Variants in IZUMO1 observed in about 807,000 individuals in gnomAD.
IZUMO1 encodes the protein izumo sperm-oocyte fusion 1, also known as izumo sperm-egg fusion protein 1.
In IZUMO1, 44 loss-of-function variants were observed where a neutral mutation model predicts 40.7. The observed-to-expected ratio is 1.08, with a 90% CI of 0.85 to 1.39. The LOEUF (loss-of-function observed/expected upper bound fraction) is 1.39. Ranked by LOEUF, IZUMO1 falls within the 40% of genes most tolerant of loss-of-function variation. IZUMO1 has a pLI of 0.00. For missense variants in IZUMO1, 368 were observed against 436.9 expected, an observed-to-expected ratio of 0.84 and a Z score of 1.41; for synonymous variants, 149 against 170.9, an observed-to-expected ratio of 0.87 and a Z score of 1.00.
chr19:48,742,220 T>C lies in IZUMO1; in HGVS notation c.589A>G (p.Ser197Gly). The change falls in exon 7 of 10, where the codon AGC (serine) becomes GGC (glycine). Residue 197 changes from serine (S) to glycine (G), a missense_variant. Transcript: ENST00000332955. Reference protein sequence around the residue: ...HQASEGLTDYSFYRVWGNNTE... With the variant: ...HQASEGLTDYGFYRVWGNNTE... ...GTTGAGGCCCTCACCCTGTAAAAGC[T>C]GTAATCAGTGAGGCCTTCCGAAGCC... 6.2e-7 allele frequency: 1 copy of C among 1,613,206 alleles called. No homozygotes were observed. The highest frequency in any genetic ancestry group is 1.1e-5 in the South Asian group (1 of 91,064).
intron 6 of IZUMO1, chr19:48,743,224 C>T (rs1036921806): frequency 7.0e-6 from 4 of 570,066 alleles, no homozygotes; most frequent in African/African-American, 5.6e-5. Context: ...GATAGAGTCT[C>T]GCTATGTTGC....
intron 5 of IZUMO1, 196 bp downstream of exon 5, chr19:48,743,979 A>G: frequency 1.6e-6 from 1 of 624,870 alleles, no homozygotes. Context: ...TGACAGGGTG[A>G]GACTGTCTCA....
Position 48,741,924 on chromosome 19 carries a change from C to T in IZUMO1, c.619G>A (p.Glu207Lys), listed in dbSNP as rs1470589612. Residue 207 changes from glutamate (E) to lysine (K), a missense_variant, in exon 8 of 10, where the codon GAG becomes AAG. Transcript: ENST00000332955. This position sits in a 1 kb window ranked among gnomAD's most constrained non-coding sequence, Gnocchi z 4.4. ...TCTTTCCCCTTGGACACCAAGGTCT[C>T]CGTATTGTTCCCCCAAACCTAGACC... ...SFYRVWGNNTETLVSKGKEAT... is the reference protein window; with the variant it reads ...SFYRVWGNNTKTLVSKGKEAT... 1.2e-6 allele frequency: 2 copies of T among 1,604,996 alleles called. No individual in the cohort carries two copies. Among genetic ancestry groups the T allele is most frequent in the Non-Finnish European group, 1.7e-6 (2 of 1,174,082 alleles).
chr19:48,741,533 G>T lies in IZUMO1; in HGVS notation c.755-55C>A. ...GGCAGGGCGTGGAGTTCCTGCCCTG[G>T]CAAAGACAAGCCCGTCCCAGTAGCC... On this transcript the variant is annotated intron_variant, in intron 8 of 9. Coordinates refer to ENST00000332955, the MANE Select transcript of IZUMO1 (RefSeq NM_182575.3). The surrounding 1 kb of genome is among the most constrained non-coding windows in gnomAD (Gnocchi z 4.4). 6.5e-7 allele frequency: 1 copy of T among 1,539,272 alleles called. No individual in the cohort carries two copies.
At chr19:48,742,110 C>G (rs1599756541) in intron 7 of IZUMO1, 99 bp downstream of exon 7, 2 of 1,474,440 alleles carry the variant, frequency 1.4e-6, no homozygotes, top group East Asian at 2.3e-5. Context: ...AATAGACCAC[C>G]CTCCTGGGTC....
chr19:48,745,180 A>G, intron 3 of IZUMO1, 34 bp downstream of exon 3: 1 of 1,569,434 alleles, frequency 6.4e-7, no homozygotes, highest in Non-Finnish European at 8.8e-7. Flanking sequence ...CTTCTCTGAG[A>G]GATTCGGGAC....
intron 3 of IZUMO1, 33 bp downstream of exon 3, chr19:48,745,181 G>C (rs375183668): frequency 3.8e-6 from 6 of 1,572,510 alleles, no homozygotes; most frequent in Middle Eastern, 1.7e-4. Flanking sequence ...TTCTCTGAGA[G>C]ATTCGGGACT....
Position 48,740,996 on chromosome 19 carries a change from A to T in IZUMO1, c.965T>A (p.Ile322Asn), listed in dbSNP as rs1447540465. ...GCCAAGGCCAAACAGTGAGGATTTG[A>T]TGAAATCGATCACCTTCCTTCGACG... Reference protein sequence around the residue: ...IFRRRKVIDFIKSSLFGLGSG... With the variant: ...IFRRRKVIDFNKSSLFGLGSG... The change falls in exon 10 of 10, where the codon ATC becomes AAC. Residue 322 changes from isoleucine (I) to asparagine (N), a missense_variant. Transcript: ENST00000332955. The surrounding 1 kb of genome is among the most constrained non-coding windows in gnomAD (Gnocchi z 5.5). The T allele has an allele frequency of 3.1e-6, 5 of 1,613,980 alleles. No homozygotes were observed. The highest frequency in any genetic ancestry group is 2.2e-5 in the East Asian group (1 of 44,894).
Position 48,746,693 on chromosome 19 carries a change from C to T in IZUMO1, c.-332G>A, listed in dbSNP as rs1346012228. ...AGGAGCCCGGTCCAGGTTCTGAGGG[C>T]TTTTAAAGAGGAAGCCGGGGTCATG... On this transcript the variant is annotated 5_prime_UTR_variant, in exon 1 of 10. Coordinates refer to ENST00000332955, the MANE Select transcript of IZUMO1 (RefSeq NM_182575.3). 5.1e-6 allele frequency: 5 copies of T among 985,340 alleles called. No homozygotes were observed. In the African/African-American group the frequency reaches 7.0e-5, roughly 14 times the overall value. The allele number at this position is 985,340 out of a possible 1,614,324, so 61.0% of individuals were successfully genotyped here.
rs1245312402 is a variant in IZUMO1 at position 48,745,688 on chromosome 19, C to T, written c.172G>A (p.Glu58Lys). Residue 58 changes from glutamate to lysine, a missense_variant, in exon 2 of 10, where the codon GAG (glutamate) becomes AAG (lysine). Transcript: ENST00000332955. Reference protein sequence around the residue: ...KHHKAMMERVENAVKDFQELS... With the variant: ...KHHKAMMERVKNAVKDFQELS... Reference sequence around the variant, plus strand: ...TCCTGGAAATCCTTCACGGCATTCTCTACCCTTTCCATCATGGCTTTGTGA... The same window carrying T: ...TCCTGGAAATCCTTCACGGCATTCTTTACCCTTTCCATCATGGCTTTGTGA... 3 of 1,614,120 alleles carry T rather than the reference C, an allele frequency of 1.9e-6. No homozygotes were observed. Among genetic ancestry groups the T allele is most frequent in the South Asian group, 2.2e-5 (2 of 91,090 alleles).
chr19:48,741,378 G>C lies in IZUMO1; in HGVS notation c.855C>G (p.Pro285=), dbSNP rs577502455. ...ESSISLQPLQ[P]EKMLASRLLG... ...GAAGGCGGCTTGCCAGCATTTTCTC[G>C]GGCTGCAGAGGCTGGAGGCTTATGG... Residue 285 remains proline, a synonymous_variant, in exon 9 of 10, where the codon CCC becomes CCG. Transcript: ENST00000332955. This position sits in a 1 kb window ranked among gnomAD's most constrained non-coding sequence, Gnocchi z 4.4. The C allele has an allele frequency of 2.5e-6, 4 of 1,613,190 alleles. No individual in the cohort carries two copies. In the Admixed American group the frequency reaches 5.0e-5, roughly 20 times the overall value.
chr19:48,743,714 C>G (rs912464909), intron 5 of IZUMO1, 189 bp from the exon 6 acceptor site: 3 of 604,614 alleles, frequency 5.0e-6, no homozygotes, highest in Admixed American at 2.7e-5. Flanking sequence ...AAGTAGAGGC[C>G]GGATGCGGTG....
intron 6 of IZUMO1, chr19:48,743,095 T>C: frequency 3.4e-6 from 1 of 293,202 alleles, no homozygotes; most frequent in South Asian, 3.6e-5. Flanking sequence ...GGTATGATCA[T>C]AGCTTACTGC....
At position 48,741,573 on chromosome 19, in the gene IZUMO1, T is replaced by C; in HGVS notation, c.755-95A>G. 1 of 1,391,530 alleles carries C rather than the reference T, an allele frequency of 7.2e-7. No homozygotes were observed. The highest frequency in any genetic ancestry group is 9.9e-7 in the Non-Finnish European group (1 of 1,011,576). The allele number at this position is 1,391,530 out of a possible 1,614,324, so 86.2% of individuals were successfully genotyped here. A position where few individuals can be genotyped will look rare whatever the true frequency, so the allele number is the denominator to read the frequency against. ...TCCCAGTAGCCGGCCATCCCAGAGA[T>C]AATCACGCCTTCAACAGTGTCAAGC... On this transcript the variant is annotated intron_variant, in intron 8 of 9. Transcript: ENST00000332955. The surrounding 1 kb of genome is among the most constrained non-coding windows in gnomAD (Gnocchi z 4.4).
At chr19:48,744,352 GA>G in intron 4 of IZUMO1, 100 bp downstream of exon 4, 1 of 1,210,526 alleles carries the variant, frequency 8.3e-7, no homozygotes, top group Non-Finnish European at 1.2e-6. Flanking sequence ...GGCAGTTGGG[GA>G]AGCTGAGGAA....
Position 48,741,788 on chromosome 19 carries a change from C to G in IZUMO1, c.754+1G>C, listed in dbSNP as rs758341787. On this transcript the variant is annotated splice_donor_variant, in intron 8 of 9. Coordinates refer to ENST00000332955, the MANE Select transcript of IZUMO1 (RefSeq NM_182575.3). LOFTEE classifies it high-confidence loss of function. This position sits in a 1 kb window ranked among gnomAD's most constrained non-coding sequence, Gnocchi z 4.4. ...ACTTCTCTCAGCCCCACAGCACTGA[C>G]CTGTGACGTGAAAATTGATGATCGT... 2 of 1,581,974 alleles carry G rather than the reference C, an allele frequency of 1.3e-6. No individual in the cohort carries two copies. Among genetic ancestry groups the G allele is most frequent in the African/African-American group, 2.7e-5 (2 of 74,214 alleles).
At position 48,741,167 on chromosome 19, in the gene IZUMO1, G is replaced by GC; in HGVS notation, c.932+133dup. ...CGCCCTTCGAAGTCCTCCTATTCAAGCCCCCCGCACTCCATCCCCAGGAAA... is the reference window on the plus strand; with the variant it reads ...CGCCCTTCGAAGTCCTCCTATTCAAGCCCCCCCGCACTCCATCCCCAGGAAA... On this transcript the variant is annotated intron_variant, in intron 9 of 9. Coordinates refer to ENST00000332955, the MANE Select transcript of IZUMO1 (RefSeq NM_182575.3). This position sits in a 1 kb window ranked among gnomAD's most constrained non-coding sequence, Gnocchi z 4.4. 7 of 1,446,812 alleles carry GC rather than the reference G, an allele frequency of 4.8e-6. No individual in the cohort carries two copies. The highest frequency in any genetic ancestry group is 3.7e-6 in the Non-Finnish European group (4 of 1,072,358). The allele number at this position is 1,446,812 out of a possible 1,614,324, so 89.6% of individuals were successfully genotyped here.
chr19:48,743,657 C>T (rs1008282969), intron 5 of IZUMO1, 132 bp from the exon 6 acceptor site: 36 of 712,826 alleles, frequency 5.1e-5, no homozygotes, highest in East Asian at 1.3e-4. Flanking sequence ...AGGACCAGGA[C>T]GCAGGTAAGT....
intron 5 of IZUMO1, 90 bp from the exon 6 acceptor site, chr19:48,743,615 T>A: frequency 1.0e-6 from 1 of 961,040 alleles, no homozygotes; most frequent in Non-Finnish European, 1.7e-6. Context: ...CCAGATCATC[T>A]ATGACATTCC....
Sources: allele counts gnomAD v4.1 joint callset, GRCh38; gene constraint gnomAD v4.1.1; non-coding constraint Gnocchi (gnomAD v3.1); transcripts MANE v1.5; gene names NCBI Gene and HGNC (gene_info 2026-07-23, HGNC 2026-07-21).